Variants in NIPAL3 observed in about 807,000 individuals in gnomAD.
The protein encoded by NIPAL3 is NIPA-like protein 3.
NIPAL3 carries 41 observed loss-of-function variants against 47.2 expected under a neutral mutation model. The ratio of observed to expected loss-of-function variants is 0.87; its 90% CI spans 0.68 to 1.13. The LOEUF is 1.13. NIPAL3 is among the 50% of genes most tolerant of loss of function. The probability of loss-of-function intolerance (pLI) is 0.00; values close to 1 mark genes in which losing one functional copy is unlikely to be tolerated. For synonymous variants in NIPAL3, 194 were observed against 209.6 expected (o/e 0.93, Z 0.64); for missense variants, 449 against 530.1 (o/e 0.85, Z 1.50).
chr1:24,436,978 G>C (rs1441283108), intron 2 of NIPAL3, among the ~76,000 whole-genome samples: 1 of 151,924 alleles, frequency 6.6e-6, no homozygotes, highest in Non-Finnish European at 1.5e-5. Context: ...CTGGCTGGGC[G>C]TGGTGGCTCA....
intron 8 of NIPAL3, among the ~76,000 whole-genome samples, chr1:24,457,130 AG>A: frequency 6.6e-6 from 1 of 152,258 alleles, no homozygotes; most frequent in South Asian, 2.1e-4. Context: ...TGATCGTCTC[AG>A]GGGCCTCGGA....
At chr1:24,428,872 C>T (rs1185103875) in intron 2 of NIPAL3, among the ~76,000 whole-genome samples, 5 of 152,108 alleles carry the variant, frequency 3.3e-5, no homozygotes, top group Non-Finnish European at 7.4e-5. Context: ...CCCTTCCCTG[C>T]CACACTCCCT....
chr1:24,422,676 C>T (rs1306771548), intron 2 of NIPAL3, among the ~76,000 whole-genome samples: 1 of 152,166 alleles, frequency 6.6e-6, no homozygotes, highest in Non-Finnish European at 1.5e-5. Context: ...AAGCTCCTTC[C>T]CACACCAACT....
intron 2 of NIPAL3, among the ~76,000 whole-genome samples, chr1:24,430,409 C>T (rs1263214304): frequency 6.6e-6 from 1 of 152,100 alleles, no homozygotes; most frequent in African/African-American, 2.4e-5. Flanking sequence ...GCCACCACAC[C>T]TGGCTAATTT....
In NIPAL3 at chr1:24,470,123, A is replaced by G. The variant is rs868012544; in HGVS notation, c.*938A>G. 3.3e-5 allele frequency: 5 copies of G among 152,316 alleles called. No homozygotes were observed. The highest frequency in any genetic ancestry group is 3.4e-3 in the Middle Eastern group (1 of 294). The allele number at this position is 152,316 out of a possible 1,614,324, so 9.4% of individuals were successfully genotyped here. On this transcript the variant is annotated 3_prime_UTR_variant, in exon 12 of 12. Coordinates refer to ENST00000374399, the MANE Select transcript of NIPAL3 (RefSeq NM_020448.5). ...TCCGTCTCTCCATTACAGAGCCACA[A>G]GCCAAGCTTGAGTTACTGGTTAATT...
At chr1:24,439,040 A>G (rs1011118811) in intron 2 of NIPAL3, among the ~76,000 whole-genome samples, 5 of 152,156 alleles carry the variant, frequency 3.3e-5, no homozygotes, top group African/African-American at 4.8e-5. Flanking sequence ...GGGGACTCCA[A>G]AACGGGGAGG....
intron 10 of NIPAL3, among the ~76,000 whole-genome samples, chr1:24,462,404 A>G (rs573398565): frequency 6.6e-6 from 1 of 152,324 alleles, no homozygotes; most frequent in East Asian, 1.9e-4. Flanking sequence ...AACAACCCAA[A>G]TGTCTACCAA....
At chr1:24,427,866 T>C (rs774965895) in intron 2 of NIPAL3, among the ~76,000 whole-genome samples, 1 of 152,168 alleles carries the variant, frequency 6.6e-6, no homozygotes, top group Non-Finnish European at 1.5e-5. Context: ...TCTGACCTTT[T>C]CTTGCTCTCC....
chr1:24,467,331 G>A (rs1481108171), intron 11 of NIPAL3, among the ~76,000 whole-genome samples: 4 of 151,942 alleles, frequency 2.6e-5, no homozygotes, highest in South Asian at 2.1e-4. Context: ...TTAGCTGTGC[G>A]TGGTGGCGGG....
In NIPAL3 at chr1:24,422,161, C is replaced by T. The variant is rs551830890; in HGVS notation, c.93+2521C>T. ...GTGGACTCTGCCTCACCAAGCAAACCAGTTTCAGAGCCAAGATGGCATGAT... is the reference window on the plus strand; with the variant it reads ...GTGGACTCTGCCTCACCAAGCAAACTAGTTTCAGAGCCAAGATGGCATGAT... On this transcript the variant is annotated intron_variant, in intron 2 of 11. Coordinates refer to ENST00000374399, the MANE Select transcript of NIPAL3 (RefSeq NM_020448.5). 68 of 152,342 alleles carry T rather than the reference C, an allele frequency of 4.5e-4. 1 individual carries two copies. The highest frequency in any genetic ancestry group is 1.6e-3 in the African/African-American group (66 of 41,582). The allele number at this position is 152,342 out of a possible 1,614,324, so 9.4% of individuals were successfully genotyped here. A position where few individuals can be genotyped will look rare whatever the true frequency, so the allele number is the denominator to read the frequency against.
intron 9 of NIPAL3, among the ~76,000 whole-genome samples, chr1:24,459,730 A>G (rs1351086457): frequency 6.6e-6 from 1 of 152,268 alleles, no homozygotes; most frequent in East Asian, 1.9e-4. Flanking sequence ...ACCAGGGGCC[A>G]TGAGGCATTG....
At position 24,440,062 on chromosome 1, in the gene NIPAL3, T is replaced by C. The variant is rs892272541; in HGVS notation, c.94-110T>C. 3.5e-5 allele frequency: 22 copies of C among 623,768 alleles called. 1 individual carries two copies. Among genetic ancestry groups the C allele is most frequent in the African/African-American group, 2.1e-4 (11 of 53,288 alleles). The allele number at this position is 623,768 out of a possible 1,614,324, so 38.6% of individuals were successfully genotyped here. A position where few individuals can be genotyped will look rare whatever the true frequency, so the allele number is the denominator to read the frequency against. On this transcript the variant is annotated intron_variant, in intron 2 of 11. Transcript: ENST00000374399. ...CTGGAGTGTGGCTTTGTCACTGATA[T>C]TGTTTTTCTGGTTTTGTTTTGGGGC...
Position 24,416,428 on chromosome 1 carries a change from G to T in NIPAL3, c.-258+524G>T. ...AGCCAGATCGTCGGGTGGTGGGAAAGAGCGTGTTTTATTGATTTGTTCAGA... is the reference window on the plus strand; with the variant it reads ...AGCCAGATCGTCGGGTGGTGGGAAATAGCGTGTTTTATTGATTTGTTCAGA... On this transcript the variant is annotated intron_variant, in intron 1 of 11. Coordinates refer to ENST00000374399, the MANE Select transcript of NIPAL3 (RefSeq NM_020448.5). The surrounding 1 kb of genome is among the most constrained non-coding windows in gnomAD (Gnocchi z 4.8). The T allele has an allele frequency of 1.3e-6, 1 of 741,464 alleles. No individual in the cohort carries two copies. The highest frequency in any genetic ancestry group is 1.6e-6 in the Non-Finnish European group (1 of 606,982). 45.9% of individuals were successfully genotyped at this position (741,464 alleles called of 1,614,324 possible).
At chr1:24,419,859 G>A (rs759133092) in intron 2 of NIPAL3, 7 of 445,572 alleles carry the variant, frequency 1.6e-5, no homozygotes, top group African/African-American at 4.1e-5. Flanking sequence ...GGAGGTGGGC[G>A]GGTCACGAGG....
At chr1:24,426,929 TC>T (rs756637281) in intron 2 of NIPAL3, among the ~76,000 whole-genome samples, 141 of 152,294 alleles carry the variant, frequency 9.3e-4, no homozygotes, top group Non-Finnish European at 1.6e-3. Flanking sequence ...AACCATATGT[TC>T]CAGTTTGCAC....
At chr1:24,452,987 C>T (rs927216916) in intron 6 of NIPAL3, among the ~76,000 whole-genome samples, 1 of 151,686 alleles carries the variant, frequency 6.6e-6, no homozygotes, top group Non-Finnish European at 1.5e-5. Flanking sequence ...CAGGTGTGAG[C>T]CACCGTGCCT....
chr1:24,423,777 C>T (rs1383377194), intron 2 of NIPAL3, among the ~76,000 whole-genome samples: 1 of 152,070 alleles, frequency 6.6e-6, no homozygotes, highest in Non-Finnish European at 1.5e-5. Flanking sequence ...GGCAAGATGG[C>T]GAACAGTTTA....
chr1:24,421,642 C>T (rs185599829), intron 2 of NIPAL3, among the ~76,000 whole-genome samples: 1 of 152,312 alleles, frequency 6.6e-6, no homozygotes, highest in African/African-American at 2.4e-5. Context: ...GTAATCTTCA[C>T]ACTAGCACTA....
Position 24,445,210 on chromosome 1 carries a change from C to T in NIPAL3, c.360C>T (p.Phe120=), listed in dbSNP as rs1218818626. 2 of 1,612,270 alleles carry T rather than the reference C, an allele frequency of 1.2e-6. No homozygotes were observed. Among genetic ancestry groups the T allele is most frequent in the East Asian group, 2.2e-5 (1 of 44,866 alleles). The change falls in exon 5 of 12, where the codon TTC becomes TTT. Residue 120 remains phenylalanine (F), a synonymous_variant. Transcript: ENST00000374399. Reference sequence around the variant, plus strand: ...CTAGTGCCATCATAGGAATCATATTCATCAAGGAAAAGTGGAAACCGAAAG... The same window carrying T: ...CTAGTGCCATCATAGGAATCATATTTATCAAGGAAAAGTGGAAACCGAAAG... ...VIASAIIGII[F]IKEKWKPKDF... is the part of the protein sequence containing the mutation.
Sources: allele counts gnomAD v4.1 joint callset (sites outside exome capture counted in the v4.1 genomes callset), GRCh38; gene constraint gnomAD v4.1.1; non-coding constraint Gnocchi (gnomAD v3.1); transcripts MANE v1.5; gene names NCBI Gene and HGNC (gene_info 2026-07-23, HGNC 2026-07-21).